The following LTBP2 variants were observed in gnomAD, a reference collection of about 807,000 sequenced individuals.
LTBP2 encodes the protein latent transforming growth factor beta binding protein 2.
In LTBP2, 103 loss-of-function variants were observed where a neutral mutation model predicts 210.6. The observed-to-expected ratio is 0.49, with a 90% CI of 0.42 to 0.58. The LOEUF (loss-of-function observed/expected upper bound fraction) is 0.58. Among genes scored for constraint, LTBP2 ranks in the 20% least tolerant of loss-of-function variants. LTBP2 has a pLI of 0.00. For synonymous variants in LTBP2, 1,007 were observed against 1,015.0 expected (o/e 0.99, Z 0.15); for missense variants, 2,313 against 2,494.5 (o/e 0.93, Z 1.55).
intron 3 of LTBP2, among the ~76,000 whole-genome samples, chr14:74,582,395 C>T (rs1566648724): frequency 2.3e-5 from 2 of 85,732 alleles, no homozygotes; most frequent in Non-Finnish European, 4.7e-5. Flanking sequence ...CACACACATA[C>T]ATACACACAC....
intron 4 of LTBP2, among the ~76,000 whole-genome samples, chr14:74,553,443 G>C (rs1466526094): frequency 6.6e-6 from 1 of 152,216 alleles, no homozygotes; most frequent in Non-Finnish European, 1.5e-5. Context: ...AAGTGACGCA[G>C]CTAGCAAGTG....
At chr14:74,507,921 A>G in intron 25 of LTBP2, 52 bp downstream of exon 25, 1 of 1,609,842 alleles carries the variant, frequency 6.2e-7, no homozygotes, top group Non-Finnish European at 8.5e-7. Context: ...CAGGCAGTGT[A>G]GAGATGGGCA....
chr14:74,588,166 C>T (rs1278619891), intron 2 of LTBP2, among the ~76,000 whole-genome samples: 1 of 152,204 alleles, frequency 6.6e-6, no homozygotes, highest in African/African-American at 2.4e-5. Context: ...TCGTGTTTGC[C>T]ATTCACTGGG....
rs777508017 is a variant in LTBP2, at chr14:74,529,041, C to T, written c.2069G>A (p.Arg690Gln). 16 of 1,579,936 alleles carry T rather than the reference C, an allele frequency of 1.0e-5. No individual in the cohort carries two copies. Among genetic ancestry groups the T allele is most frequent in the Middle Eastern group, 1.7e-4 (1 of 6,052 alleles). ...GCAGCAGCATATCTGCTTGGTGATCCGCTGGGCCAAAGGCAGGGTGCAGGT... is the reference window on the plus strand; with the variant it reads ...GCAGCAGCATATCTGCTTGGTGATCTGCTGGGCCAAAGGCAGGGTGCAGGT... ...PGTCTLPLAQRITKQICCCSR... is the reference protein window; with the variant it reads ...PGTCTLPLAQQITKQICCCSR... The change falls in exon 11 of 36, where the codon CGG (arginine) becomes CAG (glutamine). Residue 690 changes from arginine (R) to glutamine (Q), a missense_variant. Physicochemically the swap from Arg to Gln is conservative, Grantham distance 43 (BLOSUM62 1). Around this residue, in one of 3 missense-constraint regions of LTBP2, gnomAD observed 1,867 missense variants for 1,976.9 expected, o/e 0.94. Transcript: ENST00000261978.
At position 74,594,678 on chromosome 14, in the gene LTBP2, G is replaced by C. The variant is rs1252117095; in HGVS notation, c.566-8560C>G. Among the ~76,000 whole-genome samples the C allele has an allele frequency of 2.0e-5, 3 of 152,166 alleles. No homozygotes were observed. The East Asian group carries it at 5.8e-4, about 29-fold the overall frequency. On this transcript the variant is annotated intron_variant, in intron 2 of 35. Coordinates refer to ENST00000261978, the MANE Select transcript of LTBP2 (RefSeq NM_000428.3). ...GTTTGTCCCTGGAATCTGCTTACTGGGGGGTCCACCTGTGGCCCTGAGCTG... is the reference window on the plus strand; with the variant it reads ...GTTTGTCCCTGGAATCTGCTTACTGCGGGGTCCACCTGTGGCCCTGAGCTG...
chr14:74,535,388 T>C (rs955937018), intron 9 of LTBP2, among the ~76,000 whole-genome samples: 3 of 152,178 alleles, frequency 2.0e-5, no homozygotes, highest in Non-Finnish European at 2.9e-5. Flanking sequence ...TGTTCCCCAC[T>C]GGCCTCTGCC....
intron 34 of LTBP2, 131 bp from the exon 35 acceptor site, chr14:74,501,721 T>A: frequency 8.8e-7 from 1 of 1,138,068 alleles, no homozygotes; most frequent in Non-Finnish European, 1.3e-6. Flanking sequence ...GAGAGGATCA[T>A]AAAATTCTTG....
chr14:74,555,429 A>T, intron 4 of LTBP2, 74 bp downstream of exon 4: 1 of 1,502,766 alleles, frequency 6.7e-7, no homozygotes, highest in Non-Finnish European at 9.2e-7. Context: ...GTGAGAGCAG[A>T]GGGGGAAGCC....
At chr14:74,516,309 G>T (rs1020178909) in intron 18 of LTBP2, among the ~76,000 whole-genome samples, 1 of 146,942 alleles carries the variant, frequency 6.8e-6, no homozygotes, top group East Asian at 2.0e-4. Flanking sequence ...ATGTCACAGC[G>T]CCTTCTGGCT....
chr14:74,610,862 C>T (rs563529319), intron 1 of LTBP2, among the ~76,000 whole-genome samples: 13 of 152,374 alleles, frequency 8.5e-5, no homozygotes, highest in African/African-American at 2.9e-4. Context: ...GGACACGCTT[C>T]CCGCCCAAAG....
At chr14:74,556,980 G>A (rs2087737320) in intron 3 of LTBP2, among the ~76,000 whole-genome samples, 1 of 152,132 alleles carries the variant, frequency 6.6e-6, no homozygotes, top group Non-Finnish European at 1.5e-5. Flanking sequence ...TTTAGGATGA[G>A]GCTGGGCGTG....
chr14:74,523,045 C>T, intron 15 of LTBP2, 127 bp from the exon 16 acceptor site: 2 of 1,115,382 alleles, frequency 1.8e-6, no homozygotes, highest in Admixed American at 4.3e-5. Flanking sequence ...GCCAGGCCCT[C>T]CCTCCCATAC....
intron 8 of LTBP2, among the ~76,000 whole-genome samples, chr14:74,542,086 G>A (rs546320112): frequency 6.6e-6 from 1 of 152,326 alleles, no homozygotes; most frequent in Non-Finnish European, 1.5e-5. Context: ...AGCCAAAGCA[G>A]CTGCCCAGGA....
chr14:74,543,194 C>T (rs1428326091), intron 8 of LTBP2, among the ~76,000 whole-genome samples: 7 of 151,644 alleles, frequency 4.6e-5, no homozygotes, highest in African/African-American at 1.2e-4. Flanking sequence ...CCAGCTAACA[C>T]GGTGAAACTC....
intron 3 of LTBP2, among the ~76,000 whole-genome samples, chr14:74,571,754 C>T (rs1188079062): frequency 6.6e-6 from 1 of 152,172 alleles, no homozygotes; most frequent in Non-Finnish European, 1.5e-5. Context: ...TGCGGGCACT[C>T]GCGGGTGGAC....
intron 4 of LTBP2, among the ~76,000 whole-genome samples, chr14:74,553,748 A>C (rs987593718): frequency 6.6e-6 from 1 of 152,110 alleles, no homozygotes; most frequent in Non-Finnish European, 1.5e-5. Flanking sequence ...TTCATTTCCC[A>C]AGAGTGGTGG....
intron 2 of LTBP2, among the ~76,000 whole-genome samples, chr14:74,603,426 C>T (rs2088477209): frequency 6.6e-6 from 1 of 152,150 alleles, no homozygotes; most frequent in Admixed American, 6.5e-5. Flanking sequence ...CGCTCCCGGC[C>T]CCAGCTAGAG....
At chr14:74,540,801 A>T (rs12889948) in intron 8 of LTBP2, among the ~76,000 whole-genome samples, 1 of 16,860 alleles carries the variant, frequency 5.9e-5, no homozygotes, top group African/African-American at 7.9e-5. Context: ...ATATTTATAT[A>T]TATATATAAT....
chr14:74,510,128 C>T lies in LTBP2; in HGVS notation c.3114G>A (p.Gln1038=), dbSNP rs886050756. The change falls in exon 20 of 36, where the codon CAG becomes CAA. Residue 1038 remains glutamine, a synonymous_variant. Transcript: ENST00000261978. The part of the protein sequence containing the change: ...LEGSFRCSCE[Q]GYEVTSDEKG... ...TCTCATCTGAGGTGACCTCATAGCC[C>T]TGCTCACAAGAGCATCTGAAGGAGC... 1 of 1,614,152 alleles carries T rather than the reference C, an allele frequency of 6.2e-7. No individual in the cohort carries two copies.
Sources: gnomAD v4.1 joint callset for allele counts (sites outside exome capture counted in the v4.1 genomes callset) on GRCh38, gnomAD v4.1.1 for gene constraint, gnomAD v4.1.1 regional missense constraint, MANE v1.5 for transcripts, NCBI Gene and HGNC (gene_info 2026-07-23, HGNC 2026-07-21) for gene names.